CUBN: variants seen among roughly 807,000 people sequenced by gnomAD.
CUBN encodes cubilin.
In CUBN, 282 loss-of-function variants were observed where a neutral mutation model predicts 405.3. The observed-to-expected ratio is 0.70, with a 90% CI of 0.63 to 0.77. The LOEUF (loss-of-function observed/expected upper bound fraction) is 0.77. CUBN is among the 30% of genes least tolerant of loss of function. CUBN has a pLI of 0.00. For synonymous variants in CUBN, 1,684 were observed against 1,617.0 expected (o/e 1.04, Z -0.99); for missense variants, 4,514 against 4,475.2 (o/e 1.01, Z -0.25).
At chr10:16,866,155 G>A (rs1395994282) in intron 59 of CUBN, among the ~76,000 whole-genome samples, 2 of 151,996 alleles carry the variant, frequency 1.3e-5, no homozygotes, top group African/African-American at 4.8e-5. Flanking sequence ...AAGTTTTGCT[G>A]AAGTGTTATA....
chr10:17,093,671 A>T (rs556233534), intron 14 of CUBN, among the ~76,000 whole-genome samples: 1 of 152,156 alleles, frequency 6.6e-6, no homozygotes, highest in South Asian at 2.1e-4. Flanking sequence ...GCCTGTGAGG[A>T]AGTAGTAAAA....
rs528956913 is a variant in CUBN, at chr10:16,983,713, A to G, written c.4525+392T>C. 2.8e-4 allele frequency among the ~76,000 whole-genome samples: 42 copies of G among 152,358 alleles called. 1 individual carries two copies. The South Asian group carries it at 8.3e-3, about 30-fold the overall frequency. ...CTAAAATCTTGGGCAGAAAGTCACC[A>G]TAGAACACACAGTAATTCCTTGGGA... is the stretch of plus-strand genomic sequence containing the variant. On this transcript the variant is annotated intron_variant, in intron 30 of 66. Transcript: ENST00000377833.
intron 22 of CUBN, among the ~76,000 whole-genome samples, chr10:17,059,660 C>CCAAGGGAAGATATAATTACAGGTT (rs1175723205): frequency 3.3e-5 from 5 of 152,104 alleles, no homozygotes; most frequent in African/African-American, 1.2e-4. Flanking sequence ...AAGTGAAGAC[C>CCAAGGGAAGATATAATTACAGGTT]CAAGGGAAGA....
chr10:16,980,835 T>TATA (rs1159782435), intron 31 of CUBN, among the ~76,000 whole-genome samples: 2 of 151,250 alleles, frequency 1.3e-5, no homozygotes, highest in Non-Finnish European at 2.9e-5. Context: ...GAACTTAAAG[T>TATA]ATAATAATAA....
intron 6 of CUBN, among the ~76,000 whole-genome samples, chr10:17,118,156 GT>G (rs1564522308): frequency 6.6e-6 from 1 of 152,158 alleles, no homozygotes; most frequent in Non-Finnish European, 1.5e-5. Flanking sequence ...TAGCTACAGA[GT>G]ATACTTCTTT....
At chr10:16,864,271 G>C (rs1387401109) in intron 59 of CUBN, among the ~76,000 whole-genome samples, 1 of 152,184 alleles carries the variant, frequency 6.6e-6, no homozygotes. Context: ...ACGGTTAGGT[G>C]TCACTGCAAA....
chr10:17,045,653 T>C (rs1221741445), intron 24 of CUBN, among the ~76,000 whole-genome samples: 1 of 152,092 alleles, frequency 6.6e-6, no homozygotes, highest in Non-Finnish European at 1.5e-5. Flanking sequence ...CCAAAGTGTT[T>C]GTGAGTACAG....
chr10:17,106,433 C>G (rs1236466805), intron 10 of CUBN, among the ~76,000 whole-genome samples: 1 of 151,724 alleles, frequency 6.6e-6, no homozygotes. Flanking sequence ...TAAGCCCTGT[C>G]TCTACTAAAA....
chr10:17,104,448 G>C lies in CUBN; in HGVS notation c.1388C>G (p.Thr463Ser), dbSNP rs1016772431. 1 of 1,613,996 alleles carries C rather than the reference G, an allele frequency of 6.2e-7. No homozygotes were observed. Among genetic ancestry groups the C allele is most frequent in the Non-Finnish European group, 8.5e-7 (1 of 1,179,978 alleles). ...CTGAGGAACCTGACAGAGAGCTCCA[G>C]TCCAGAGACGTGTGCATTCACAACT... ...SFSCECTRLW[T>S]GALCQVPQQV... Residue 463 changes from threonine to serine, a missense_variant, in exon 12 of 67, where the codon ACT becomes AGT. This residue lies in a region of CUBN where 1,448 missense variants were observed against 1,388.0 expected (regional missense o/e 1.04). Transcript: ENST00000377833.
chr10:17,072,001 T>C, intron 17 of CUBN, 30 bp from the exon 18 acceptor site: 2 of 1,587,442 alleles, frequency 1.3e-6, no homozygotes, highest in Admixed American at 1.7e-5. Flanking sequence ...AGAGATGTAA[T>C]TCAAATAAAG....
Position 16,913,975 on chromosome 10 carries a change from G to T in CUBN, c.7369C>A (p.Gln2457Lys). Residue 2457 changes from glutamine (Q) to lysine (K), a missense_variant, in exon 48 of 67, where the codon CAG (glutamine) becomes AAG (lysine). Physicochemically the swap from Gln to Lys is moderately conservative, Grantham distance 53 (BLOSUM62 1). Coordinates refer to ENST00000377833, the MANE Select transcript of CUBN (RefSeq NM_001081.4). ...GAAGTAAATGTTCCAATAGAGCCCT[G>T]AAGATCCCCACCACACTCTGACGTG... is the stretch of plus-strand genomic sequence containing the variant. The part of the protein sequence containing the change: ...SSMEECGGDL[Q>K]GSIGTFTSPN... 8.1e-6 allele frequency: 13 copies of T among 1,614,024 alleles called. No individual in the cohort carries two copies. Among genetic ancestry groups the T allele is most frequent in the Non-Finnish European group, 1.1e-5 (13 of 1,180,022 alleles).
intron 22 of CUBN, among the ~76,000 whole-genome samples, chr10:17,060,140 T>C (rs1835473321): frequency 6.6e-6 from 1 of 151,886 alleles, no homozygotes; most frequent in Non-Finnish European, 1.5e-5. Context: ...CTTTTTTTTT[T>C]CATGGAGTTT....
intron 29 of CUBN, among the ~76,000 whole-genome samples, chr10:16,985,606 G>A (rs573865659): frequency 1.3e-5 from 2 of 152,308 alleles, no homozygotes; most frequent in South Asian, 4.1e-4. Context: ...GCCTGCCCAT[G>A]AGGGCTTTGA....
rs1184800806 is a variant in CUBN at position 17,041,166 on chromosome 10, C to T, written c.3884G>A (p.Gly1295Glu). 2.5e-6 allele frequency: 4 copies of T among 1,613,604 alleles called. No individual in the cohort carries two copies. Among genetic ancestry groups the T allele is most frequent in the Non-Finnish European group, 3.4e-6 (4 of 1,179,730 alleles). Reference protein sequence around the residue: ...NQTYGILESIGYPNPYSENQH... With the variant: ...NQTYGILESIEYPNPYSENQH... ...ATTTTCAGAATAAGGATTCGGATAC[C>T]CTATACTCTCTAAGATGCCATAGGT... is the stretch of plus-strand genomic sequence containing the variant. Residue 1295 changes from glycine (G) to glutamate (E), a missense_variant, in exon 27 of 67, where the codon GGG becomes GAG. Physicochemically the swap from Gly to Glu is moderately conservative, Grantham distance 98 (BLOSUM62 -2). Coordinates refer to ENST00000377833, the MANE Select transcript of CUBN (RefSeq NM_001081.4).
At chr10:16,986,505 C>T (rs1391465288) in intron 29 of CUBN, among the ~76,000 whole-genome samples, 5 of 152,120 alleles carry the variant, frequency 3.3e-5, no homozygotes, top group Non-Finnish European at 7.3e-5. Flanking sequence ...ATGAATGAAA[C>T]GGCTGTTACA....
intron 23 of CUBN, among the ~76,000 whole-genome samples, chr10:17,046,895 T>A (rs1046298701): frequency 2.0e-5 from 3 of 152,130 alleles, no homozygotes; most frequent in Non-Finnish European, 2.9e-5. Flanking sequence ...ACTGCAAATA[T>A]AACTTTTTAA....
At chr10:16,844,488 T>C (rs1002386070) in intron 60 of CUBN, among the ~76,000 whole-genome samples, 22 of 152,200 alleles carry the variant, frequency 1.4e-4, no homozygotes, top group Non-Finnish European at 7.3e-5. Context: ...CCAAGGAGTC[T>C]GGATCTGATC....
rs369663266 is a variant in CUBN, at chr10:16,922,397, T to C, written c.6647-2260A>G. 3.3e-5 allele frequency among the ~76,000 whole-genome samples: 5 copies of C among 152,132 alleles called. No individual in the cohort carries two copies. The East Asian group carries it at 5.8e-4, about 18-fold the overall frequency. ...GCCTTAGTTCAGGGAGTAAATTTTT[T>C]CCCTAAATTACTCTTTCATCTGGTC... On this transcript the variant is annotated intron_variant, in intron 43 of 66. Coordinates refer to ENST00000377833, the MANE Select transcript of CUBN (RefSeq NM_001081.4).
At chr10:16,970,571 C>T (rs981502375) in intron 31 of CUBN, among the ~76,000 whole-genome samples, 3 of 82,840 alleles carry the variant, frequency 3.6e-5, no homozygotes, top group African/African-American at 1.7e-4. Flanking sequence ...AGTGAAACTC[C>T]ATCTCAAAAA....
Sources: gnomAD v4.1 joint callset for allele counts (sites outside exome capture counted in the v4.1 genomes callset) on GRCh38, gnomAD v4.1.1 for gene constraint, gnomAD v4.1.1 regional missense constraint, MANE v1.5 for transcripts, NCBI Gene and HGNC (gene_info 2026-07-23, HGNC 2026-07-21) for gene names.